Variants in TRAF2 observed in about 807,000 individuals in gnomAD.
TRAF2 encodes TNF receptor-associated factor 2.
TRAF2 carries 6 observed loss-of-function variants against 55.6 expected under a neutral mutation model. The observed-to-expected ratio is 0.11, with a 90% confidence interval of 0.06 to 0.21. TRAF2 has a LOEUF of 0.21. Ranked by LOEUF, TRAF2 falls within the 10% of genes least tolerant of loss-of-function variation. The pLI is 1.00. For missense variants in TRAF2, 561 were observed against 684.5 expected (o/e 0.82, Z 2.01); for synonymous variants, 329 against 276.3 (o/e 1.19, Z -1.89).
At chr9:136,908,871 G>GAAAAAAA (rs11418746) in intron 5 of TRAF2, among the ~76,000 whole-genome samples, 1 of 84,462 alleles carries the variant, frequency 1.2e-5, no homozygotes, top group Non-Finnish European at 2.1e-5. Flanking sequence ...TTCCGTCTCG[G>GAAAAAAA]AAAAAAAAAA....
chr9:136,919,019 G>GCC (rs1440924720), intron 7 of TRAF2, among the ~76,000 whole-genome samples: 1 of 115,182 alleles, frequency 8.7e-6, no homozygotes, highest in African/African-American at 3.3e-5. Context: ...ACAGGTGTGA[G>GCC]CCACTGCACC....
intron 9 of TRAF2, 63 bp downstream of exon 9, chr9:136,921,278 C>T (rs1850378783): frequency 1.3e-6 from 2 of 1,594,272 alleles, no homozygotes; most frequent in East Asian, 2.2e-5. Flanking sequence ...GGTCCCCTCA[C>T]CCCTGTGACC....
Position 136,926,106 on chromosome 9 carries a change from G to T in TRAF2, c.*205G>T. ...CTCAGATTTCAGAGACTGCGGAGGG[G>T]CTTGGCAGACGGTCTTAGCCAAGGG... is the stretch of plus-strand genomic sequence containing the variant. On this transcript the variant is annotated 3_prime_UTR_variant, in exon 11 of 11. Coordinates refer to ENST00000247668, the MANE Select transcript of TRAF2 (RefSeq NM_021138.4). The T allele has an allele frequency of 1.3e-6, 1 of 770,964 alleles. No homozygotes were observed. Among genetic ancestry groups the T allele is most frequent in the South Asian group, 1.4e-5 (1 of 71,872 alleles). The allele number at this position is 770,964 out of a possible 1,614,324, so 47.8% of individuals were successfully genotyped here.
chr9:136,901,172 A>G (rs572984129), intron 4 of TRAF2, among the ~76,000 whole-genome samples: 1 of 152,300 alleles, frequency 6.6e-6, no homozygotes, highest in Non-Finnish European at 1.5e-5. Flanking sequence ...CCTTTTAGGC[A>G]TTTGGAAACT....
At chr9:136,897,274 G>GCTGAGGCCATCATCAGTGC (rs1849700895) in intron 1 of TRAF2, among the ~76,000 whole-genome samples, 1 of 148,942 alleles carries the variant, frequency 6.7e-6, no homozygotes, top group Non-Finnish European at 1.5e-5. Context: ...GCACTGAGTG[G>GCTGAGGCCATCATCAGTGC]CTGAGGCCAT....
Position 136,926,159 on chromosome 9 carries a change from G to A in TRAF2, c.*258G>A, listed in dbSNP as rs571040177. ...GTGGTGGCATTGGCCGAGGGTCTTC[G>A]GGTGCTTCCCAGCACAAGCTGCCCT... On this transcript the variant is annotated 3_prime_UTR_variant, in exon 11 of 11. Coordinates refer to ENST00000247668, the MANE Select transcript of TRAF2 (RefSeq NM_021138.4). The A allele has an allele frequency of 2.7e-4, 176 of 655,312 alleles. 1 individual carries two copies. The highest frequency in any genetic ancestry group is 1.9e-3 in the South Asian group (121 of 65,164). 40.6% of individuals were successfully genotyped at this position (655,312 alleles called of 1,614,324 possible).
chr9:136,916,703 C>T, intron 7 of TRAF2, 88 bp downstream of exon 7: 1 of 1,318,068 alleles, frequency 7.6e-7, no homozygotes. Flanking sequence ...TGGTTTCCTT[C>T]CAGCTGCTCC....
chr9:136,893,738 T>C (rs1191502053), intron 1 of TRAF2, among the ~76,000 whole-genome samples: 1 of 152,168 alleles, frequency 6.6e-6, no homozygotes, highest in African/African-American at 2.4e-5. Context: ...TGTGTGGTAG[T>C]GACCCTTTTT....
At position 136,926,192 on chromosome 9, in the gene TRAF2, C is replaced by G. The variant is rs533334771; in HGVS notation, c.*291C>G. ...CCCAGCACAAGCTGCCCTTGCTGTCCTGTGCAGTGAAGGGAGAGGCCCTGG... is the reference window on the plus strand; with the variant it reads ...CCCAGCACAAGCTGCCCTTGCTGTCGTGTGCAGTGAAGGGAGAGGCCCTGG... On this transcript the variant is annotated 3_prime_UTR_variant, in exon 11 of 11. Coordinates refer to ENST00000247668, the MANE Select transcript of TRAF2 (RefSeq NM_021138.4). 3.3e-4 allele frequency: 186 copies of G among 558,350 alleles called. 2 individuals are homozygous for G. Among genetic ancestry groups the G allele is most frequent in the South Asian group, 3.1e-3 (181 of 58,536 alleles). 34.6% of individuals were successfully genotyped at this position (558,350 alleles called of 1,614,324 possible).
Position 136,899,501 on chromosome 9 carries a change from G to T in TRAF2, c.189-93G>T, listed in dbSNP as rs17243830. On this transcript the variant is annotated intron_variant, in intron 2 of 10. Transcript: ENST00000247668. ...TAAGGATGAGAAAGTTTAAACTGTG[G>T]TGTGGAGGTAGGTTTTTGAACTGAA... The T allele has an allele frequency of 2.9e-3, 3,205 of 1,123,984 alleles. 68 individuals carry two copies. In the African/African-American group the frequency reaches 0.045, roughly 16 times the overall value. The allele number at this position is 1,123,984 out of a possible 1,614,324, so 69.6% of individuals were successfully genotyped here.
At chr9:136,895,472 C>T (rs1345643608) in intron 1 of TRAF2, among the ~76,000 whole-genome samples, 1 of 152,216 alleles carries the variant, frequency 6.6e-6, no homozygotes, top group African/African-American at 2.4e-5. Context: ...AACAGCAAGG[C>T]CCCCATCTTG....
chr9:136,904,900 A>C (rs1402441452), intron 4 of TRAF2, among the ~76,000 whole-genome samples: 1 of 152,108 alleles, frequency 6.6e-6, no homozygotes, highest in Non-Finnish European at 1.5e-5. Flanking sequence ...TGTTGGGTTC[A>C]GGGAGTTGGT....
At chr9:136,885,221 C>G (rs1430869073), upstream of TRAF2, among the ~76,000 whole-genome samples, 2 of 152,170 alleles carry the variant, frequency 1.3e-5, no homozygotes, top group Non-Finnish European at 2.9e-5. Context: ...CAAAGCCTGC[C>G]CTGTTTTGCA....
Position 136,921,158 on chromosome 9 carries a change from TTCGCCAGGAA to T in TRAF2, c.1082_1091del (p.Phe361CysfsTer33). 1 of 1,614,054 alleles carries T rather than the reference TTCGCCAGGAA, an allele frequency of 6.2e-7. No homozygotes were observed. Among genetic ancestry groups the T allele is most frequent in the Non-Finnish European group, 8.5e-7 (1 of 1,180,030 alleles). Reference sequence around the variant, plus strand: ...GGTCTTCATCTGGAAGATCTCAGACTTCGCCAGGAAGCGCCAGGAAGCTGTGGCTGGCCGC... The same window carrying T: ...GGTCTTCATCTGGAAGATCTCAGACTGCGCCAGGAAGCTGTGGCTGGCCGC... On this transcript the variant is annotated frameshift_variant, in exon 9 of 11. Transcript: ENST00000247668. LOFTEE classifies it high-confidence loss of function.
upstream of TRAF2, among the ~76,000 whole-genome samples, chr9:136,882,931 C>T (rs986157723): frequency 6.6e-6 from 1 of 152,240 alleles, no homozygotes; most frequent in South Asian, 2.1e-4. Flanking sequence ...AGTGCAGTGG[C>T]GCAATCCTGG....
At chr9:136,887,327 C>T (rs369915579) in intron 1 of TRAF2, among the ~76,000 whole-genome samples, 1 of 152,290 alleles carries the variant, frequency 6.6e-6, no homozygotes, top group East Asian at 1.9e-4. Flanking sequence ...GCTGGTGCTT[C>T]CTAGGCCAAG....
At chr9:136,923,748 C>T in intron 9 of TRAF2, 104 bp from the exon 10 acceptor site, 1 of 1,166,204 alleles carries the variant, frequency 8.6e-7, no homozygotes, top group Non-Finnish European at 1.2e-6. Flanking sequence ...CTGAATGTTT[C>T]TTTGTAGGTG....
At chr9:136,887,749 T>C (rs1849486659) in intron 1 of TRAF2, among the ~76,000 whole-genome samples, 1 of 152,144 alleles carries the variant, frequency 6.6e-6, no homozygotes, top group African/African-American at 2.4e-5. Flanking sequence ...GATCTCCTCT[T>C]CTACCACGCT....
In TRAF2 at chr9:136,898,863, C is replaced by T. The variant is rs1849749056; in HGVS notation, c.123C>T (p.Leu41=). The stretch of plus-strand genomic sequence containing the variant: ...TGTGCTCCGCCTGCAGAAACGTCCT[C>T]CGCAGGCCCTTCCAGGCGCAGTGTG... ...KYLCSACRNV[L]RRPFQAQCGH... The change falls in exon 2 of 11, where the codon CTC becomes CTT. Residue 41 remains leucine, a synonymous_variant. Coordinates refer to ENST00000247668, the MANE Select transcript of TRAF2 (RefSeq NM_021138.4). 2 of 1,613,452 alleles carry T rather than the reference C, an allele frequency of 1.2e-6. No individual in the cohort carries two copies. Among genetic ancestry groups the T allele is most frequent in the African/African-American group, 1.3e-5 (1 of 74,920 alleles).
Sources: gnomAD v4.1 joint callset for allele counts (sites outside exome capture counted in the v4.1 genomes callset) on GRCh38, gnomAD v4.1.1 for gene constraint, MANE v1.5 for transcripts, NCBI Gene and HGNC (gene_info 2026-07-23, HGNC 2026-07-21) for gene names.